NRXN1: variants seen among roughly 807,000 people sequenced by gnomAD.
NRXN1 encodes neurexin-1.
Under a neutral mutation model 150.9 loss-of-function variants are expected in NRXN1, and 39 were observed. That is an observed-to-expected ratio of 0.26 (90% confidence interval 0.20 to 0.34). NRXN1 has a LOEUF of 0.34. Among genes scored for constraint, NRXN1 ranks in the 10% least tolerant of loss-of-function variants. The pLI is 1.00. For missense variants in NRXN1, 1,815 were observed against 1,949.9 expected (o/e 0.93, Z 1.30); for synonymous variants, 924 against 757.0 (o/e 1.22, Z -3.62).
At chr2:50,157,202 A>G (rs1168266189) in intron 18 of NRXN1, among the ~76,000 whole-genome samples, 1 of 151,990 alleles carries the variant, frequency 6.6e-6, no homozygotes, top group Non-Finnish European at 1.5e-5. Context: ...GGCTACTGAC[A>G]TTTAACAGTG....
At chr2:50,649,175 T>C (rs1685225535) in intron 5 of NRXN1, among the ~76,000 whole-genome samples, 1 of 143,988 alleles carries the variant, frequency 6.9e-6, no homozygotes, top group Non-Finnish European at 1.5e-5. Flanking sequence ...TTGGATAGTT[T>C]GAATTATGTA....
At position 50,293,517 on chromosome 2, in the gene NRXN1, G is replaced by T. The variant is rs1177480246; in HGVS notation, c.3365-56547C>A. ...GAAGCTATGTAGCAAATGCCTAAAA[G>T]AACAAAATTCAATACTGCTTCGTAG... On this transcript the variant is annotated intron_variant, in intron 17 of 22. Transcript: ENST00000401669. Among the ~76,000 whole-genome samples the T allele has an allele frequency of 2.0e-5, 3 of 152,084 alleles. No individual in the cohort carries two copies. In the East Asian group the frequency reaches 5.8e-4, roughly 29 times the overall value.
chr2:50,235,729 T>C (rs1450751101), intron 18 of NRXN1, among the ~76,000 whole-genome samples: 1 of 152,080 alleles, frequency 6.6e-6, no homozygotes, highest in South Asian at 2.1e-4. Context: ...GGAGAACTTA[T>C]AGGGAAAGAC....
At chr2:50,068,879 T>C (rs1035221483) in intron 19 of NRXN1, among the ~76,000 whole-genome samples, 2 of 152,188 alleles carry the variant, frequency 1.3e-5, no homozygotes, top group East Asian at 1.9e-4. Context: ...TGAGCCTTAT[T>C]ATGAGTGATA....
intron 12 of NRXN1, among the ~76,000 whole-genome samples, chr2:50,526,024 C>T (rs1196944350): frequency 6.6e-6 from 1 of 152,156 alleles, no homozygotes; most frequent in Non-Finnish European, 1.5e-5. Context: ...CCCTCCTCAC[C>T]TCCCACCCAT....
At chr2:50,112,946 G>C (rs979673578) in intron 18 of NRXN1, among the ~76,000 whole-genome samples, 1 of 152,058 alleles carries the variant, frequency 6.6e-6, no homozygotes, top group Non-Finnish European at 1.5e-5. Context: ...AAGACATCTG[G>C]TGCCTATGCC....
chr2:50,154,870 GA>G (rs1004982933), intron 18 of NRXN1, among the ~76,000 whole-genome samples: 8 of 150,584 alleles, frequency 5.3e-5, no homozygotes, highest in African/African-American at 1.5e-4. Context: ...TAAGCATTAA[GA>G]AAAAAAAGCA....
At chr2:50,726,663 G>A (rs188428956) in intron 5 of NRXN1, among the ~76,000 whole-genome samples, 10 of 152,134 alleles carry the variant, frequency 6.6e-5, no homozygotes, top group South Asian at 2.1e-4. Context: ...AAAAGTGACC[G>A]ATCTAGTTAA....
At chr2:50,081,302 G>C (rs1457428779) in intron 19 of NRXN1, among the ~76,000 whole-genome samples, 2 of 152,194 alleles carry the variant, frequency 1.3e-5, no homozygotes. Context: ...TTCCTGGCCA[G>C]GCGCAGTGGC....
At chr2:50,937,632 T>C (rs181550155) in intron 2 of NRXN1, among the ~76,000 whole-genome samples, 1 of 152,212 alleles carries the variant, frequency 6.6e-6, no homozygotes, top group East Asian at 1.9e-4. Flanking sequence ...TCGATTGTTG[T>C]TTATGAAGTA....
At chr2:50,854,577 T>G (rs1039774415) in intron 5 of NRXN1, among the ~76,000 whole-genome samples, 1 of 152,050 alleles carries the variant, frequency 6.6e-6, no homozygotes, top group Non-Finnish European at 1.5e-5. Flanking sequence ...TTCCAAGATA[T>G]CTCATGAAAA....
chr2:50,159,921 T>G (rs112458908), intron 18 of NRXN1, among the ~76,000 whole-genome samples: 1,654 of 152,256 alleles, frequency 0.011, 36 homozygotes, highest in African/African-American at 0.038. Flanking sequence ...AGACTTTGTG[T>G]TTGTGAAAAA....
At chr2:50,499,986 C>A (rs957017544) in intron 13 of NRXN1, among the ~76,000 whole-genome samples, 7 of 150,560 alleles carry the variant, frequency 4.6e-5, no homozygotes, top group African/African-American at 1.5e-4. Context: ...GCTTTGATAT[C>A]CCTTTGGGTT....
intron 18 of NRXN1, among the ~76,000 whole-genome samples, chr2:50,179,560 T>C (rs1047621726): frequency 1.2e-4 from 18 of 152,130 alleles, no homozygotes; most frequent in African/African-American, 3.9e-4. Context: ...ATTGATTCTA[T>C]GGTAACATGC....
At chr2:50,158,736 G>T (rs2152782612) in intron 18 of NRXN1, among the ~76,000 whole-genome samples, 1 of 152,184 alleles carries the variant, frequency 6.6e-6, no homozygotes, top group Admixed American at 6.6e-5. Context: ...TTTTTAATAA[G>T]TGCAAAACTG....
At position 50,680,005 on chromosome 2, in the gene NRXN1, G is replaced by A. The variant is rs373880091; in HGVS notation, c.833-56390C>T. 3.8e-4 allele frequency among the ~76,000 whole-genome samples: 58 copies of A among 151,744 alleles called. 2 individuals carry two copies. The East Asian group carries it at 8.4e-3, about 22-fold the overall frequency. On this transcript the variant is annotated intron_variant, in intron 5 of 22. Transcript: ENST00000401669. ...AAATTAGCTGGGCATAGTGGTGTGC[G>A]CCTGTAGTCCTAGCTTGGTGGGGGT...
intron 17 of NRXN1, among the ~76,000 whole-genome samples, chr2:50,402,649 T>C (rs2082468536): frequency 6.6e-6 from 1 of 151,992 alleles, no homozygotes; most frequent in Admixed American, 6.6e-5. Context: ...ACGAAAGGAA[T>C]GTGTGCATAT....
At chr2:50,961,183 T>C (rs1045999823) in intron 2 of NRXN1, among the ~76,000 whole-genome samples, 1 of 151,878 alleles carries the variant, frequency 6.6e-6, no homozygotes, top group African/African-American at 2.4e-5. Context: ...ATCCTGTGAA[T>C]TGACTCAAGC....
intron 18 of NRXN1, among the ~76,000 whole-genome samples, chr2:50,215,652 T>G (rs777468031): frequency 6.6e-6 from 1 of 152,040 alleles, no homozygotes; most frequent in Admixed American, 6.6e-5. Context: ...TTGAAGTTGT[T>G]TTAAAAAGAT....
Sources: gnomAD v4.1 joint callset for allele counts (sites outside exome capture counted in the v4.1 genomes callset) on GRCh38, gnomAD v4.1.1 for gene constraint, MANE v1.5 for transcripts, NCBI Gene and HGNC (gene_info 2026-07-23, HGNC 2026-07-21) for gene names.